SEC14L1: variants seen among roughly 807,000 people sequenced by gnomAD.
The protein encoded by SEC14L1 is SEC14 like lipid binding 1.
A neutral mutation model predicts 85.3 loss-of-function variants in SEC14L1; 48 were observed. The ratio of observed to expected loss-of-function variants is 0.56; its 90% CI spans 0.45 to 0.72. The LOEUF (loss-of-function observed/expected upper bound fraction) is 0.72. Ranked by LOEUF, SEC14L1 falls within the 30% of genes least tolerant of loss-of-function variation. SEC14L1 has a pLI of 0.00. For missense variants in SEC14L1, 682 were observed against 921.4 expected (o/e 0.74, Z 3.36); for synonymous variants, 391 against 355.5 (o/e 1.10, Z -1.12).
chr17:77,147,392 A>G (rs998214506), intron 3 of SEC14L1, among the ~76,000 whole-genome samples: 1 of 152,108 alleles, frequency 6.6e-6, no homozygotes, highest in Non-Finnish European at 1.5e-5. Context: ...AACATGTTAA[A>G]GTTCTCATTA....
chr17:77,168,553 A>T (rs1278062192), intron 3 of SEC14L1, among the ~76,000 whole-genome samples: 1 of 152,134 alleles, frequency 6.6e-6, no homozygotes, highest in Non-Finnish European at 1.5e-5. Flanking sequence ...TTTCCATGAG[A>T]CTTGTGATGG....
chr17:77,200,074 G>C (rs1411067900), intron 8 of SEC14L1, among the ~76,000 whole-genome samples: 4 of 152,332 alleles, frequency 2.6e-5, no homozygotes, highest in Middle Eastern at 6.8e-3. Context: ...GCTGAGGTGG[G>C]AGGATTGCCT....
At chr17:77,140,859 C>T (rs1434417894), upstream of SEC14L1, 1 of 151,970 alleles carries the variant, frequency 6.6e-6, no homozygotes, top group African/African-American at 2.4e-5. Context: ...CCCGCTCCCG[C>T]CCCCGCTCCC....
At chr17:77,122,303 C>G (rs1248085165) in intron 3 of SEC14L1, among the ~76,000 whole-genome samples, 2 of 150,424 alleles carry the variant, frequency 1.3e-5, no homozygotes, top group African/African-American at 2.5e-5. Context: ...TCTTCTTCAT[C>G]TTCTTTTTTT....
rs1039108124 is a variant in SEC14L1, at chr17:77,215,663, T to TA, written c.*1641dup. 1.5e-5 allele frequency: 15 copies of TA among 991,790 alleles called. No homozygotes were observed. In the African/African-American group the frequency reaches 2.4e-4, roughly 16 times the overall value. The allele number at this position is 991,790 out of a possible 1,614,324, so 61.4% of individuals were successfully genotyped here. A position where few individuals can be genotyped will look rare whatever the true frequency, so the allele number is the denominator to read the frequency against. ...TTTGGACCACATTTGTGTTTGCTCT[T>TA]AGAGATCGAGCTCCTCAGTGGTACC... On this transcript the variant is annotated 3_prime_UTR_variant, in exon 17 of 17. Coordinates refer to ENST00000436233, the MANE Select transcript of SEC14L1 (RefSeq NM_001143998.2).
chr17:77,194,570 T>G, intron 6 of SEC14L1, 107 bp from the exon 7 acceptor site: 11 of 792,028 alleles, frequency 1.4e-5, no homozygotes, highest in Middle Eastern at 3.8e-4. Context: ...AAAAAGATTG[T>G]GAGGCTCACC....
chr17:77,201,452 C>CTT (rs540189374), intron 9 of SEC14L1, among the ~76,000 whole-genome samples: 62 of 138,418 alleles, frequency 4.5e-4, no homozygotes, highest in South Asian at 1.6e-3. Flanking sequence ...ACAAATGTGT[C>CTT]TTTTTTTTTT....
intron 2 of SEC14L1, among the ~76,000 whole-genome samples, chr17:77,091,667 C>T (rs558263270): frequency 6.6e-6 from 1 of 152,254 alleles, no homozygotes; most frequent in African/African-American, 2.4e-5. Flanking sequence ...AGCAGTGCCA[C>T]CTTTCCGGGA....
intron 3 of SEC14L1, among the ~76,000 whole-genome samples, chr17:77,110,725 A>T (rs536278981): frequency 1.3e-5 from 2 of 151,732 alleles, no homozygotes; most frequent in South Asian, 4.2e-4. Flanking sequence ...CTAAAAAAAA[A>T]TACAAAAAAT....
At chr17:77,108,422 G>C (rs1466482090) in intron 3 of SEC14L1, among the ~76,000 whole-genome samples, 1 of 152,112 alleles carries the variant, frequency 6.6e-6, no homozygotes, top group Non-Finnish European at 1.5e-5. Context: ...GAGGGCCAGA[G>C]GGATGGGACC....
At chr17:77,139,379 C>A (rs781227426), upstream of SEC14L1, among the ~76,000 whole-genome samples, 20 of 151,966 alleles carry the variant, frequency 1.3e-4, no homozygotes, top group Non-Finnish European at 2.6e-4. Flanking sequence ...ACCGTGTTGA[C>A]CAGGATGGTC....
chr17:77,155,624 C>T (rs978426942), intron 3 of SEC14L1, among the ~76,000 whole-genome samples: 3 of 152,236 alleles, frequency 2.0e-5, no homozygotes, highest in Admixed American at 2.0e-4. Context: ...CTACCCCTCA[C>T]TCTTCTGCTC....
chr17:77,118,350 A>G (rs916992835), intron 3 of SEC14L1, among the ~76,000 whole-genome samples: 1 of 152,218 alleles, frequency 6.6e-6, no homozygotes, highest in African/African-American at 2.4e-5. Context: ...TCGGAGAGTG[A>G]AGGAGGCCTT....
At chr17:77,108,916 G>A (rs939719106) in intron 3 of SEC14L1, among the ~76,000 whole-genome samples, 4 of 151,366 alleles carry the variant, frequency 2.6e-5, no homozygotes, top group Admixed American at 6.6e-5. Context: ...TCTGCCTCCC[G>A]GTTTCAAGCG....
At position 77,191,242 on chromosome 17, in the gene SEC14L1, CT is replaced by C. The variant is rs1975519271; in HGVS notation, c.278del (p.Leu93CysfsTer40). 6.2e-7 allele frequency: 1 copy of C among 1,613,560 alleles called. No individual in the cohort carries two copies. The highest frequency in any genetic ancestry group is 8.5e-7 in the Non-Finnish European group (1 of 1,179,668). On this transcript the variant is annotated frameshift_variant, in exon 5 of 17. Transcript: ENST00000436233. LOFTEE classifies it high-confidence loss of function. ...AACTCACTGAATTCTCGGGAACGTA[CT>C]TTGCACATTGAGGCTTATAATGAAA... The part of the protein sequence containing the change: ...QKNSLNSRER[T>X]LHIEAYNETF...
At chr17:77,181,073 C>T (rs974724563) in intron 3 of SEC14L1, 2 of 152,072 alleles carry the variant, frequency 1.3e-5, no homozygotes, top group Admixed American at 6.5e-5. Context: ...AGCAGCAGAC[C>T]GCGGTGCTTG....
intron 3 of SEC14L1, among the ~76,000 whole-genome samples, chr17:77,119,299 C>T (rs913103822): frequency 1.4e-5 from 2 of 142,238 alleles, no homozygotes; most frequent in African/African-American, 5.2e-5. Flanking sequence ...CAGAGTGAGA[C>T]TCCATCCCAA....
chr17:77,091,500 A>G (rs2143268020), intron 2 of SEC14L1, among the ~76,000 whole-genome samples: 1 of 152,354 alleles, frequency 6.6e-6, no homozygotes, highest in South Asian at 2.1e-4. Flanking sequence ...GCAATGATGG[A>G]AATGGCCTAT....
upstream of SEC14L1, chr17:77,140,602 C>G (rs966185574): frequency 6.5e-6 from 1 of 152,778 alleles, no homozygotes; most frequent in Non-Finnish European, 1.5e-5. Context: ...CCGAACCCCT[C>G]CCCTGCACGC....
Sources: allele counts gnomAD v4.1 joint callset (sites outside exome capture counted in the v4.1 genomes callset), GRCh38; gene constraint gnomAD v4.1.1; transcripts MANE v1.5; gene names NCBI Gene and HGNC (gene_info 2026-07-23, HGNC 2026-07-21).